RCSD1: variants seen among roughly 807,000 people sequenced by gnomAD.
RCSD1 encodes capZ-interacting protein.
In RCSD1, 26 loss-of-function variants were observed where a neutral mutation model predicts 42.5. That is an observed-to-expected ratio of 0.61 (90% CI 0.45 to 0.85). RCSD1 has a LOEUF of 0.85. Among genes scored for constraint, RCSD1 ranks in the 40% least tolerant of loss-of-function variants. RCSD1 has a pLI of 0.00. For missense variants in RCSD1, 571 were observed against 528.3 expected (o/e 1.08, Z -0.79); for synonymous variants, 220 against 212.2 (o/e 1.04, Z -0.32).
At chr1:167,647,716 G>T (rs530676040) in intron 1 of RCSD1, among the ~76,000 whole-genome samples, 26 of 152,174 alleles carry the variant, frequency 1.7e-4, no homozygotes, top group Non-Finnish European at 2.9e-4. Context: ...TCCAGCCTGG[G>T]TGACAGAGTA....
intron 1 of RCSD1, 79 bp downstream of exon 1, chr1:167,630,508 G>GCC: frequency 7.2e-7 from 1 of 1,393,848 alleles, no homozygotes; most frequent in East Asian, 2.9e-5. Context: ...GGCTGCCCCT[G>GCC]CCCTGAGCAT....
chr1:167,656,258 A>T (rs10918734), intron 1 of RCSD1, among the ~76,000 whole-genome samples: 13,856 of 152,210 alleles, frequency 0.091, 973 homozygotes, highest in African/African-American at 0.19. Flanking sequence ...GAGTTCTATG[A>T]CATAATCCTC....
At chr1:167,691,546 G>A (rs139280830) in intron 4 of RCSD1, among the ~76,000 whole-genome samples, 2 of 152,326 alleles carry the variant, frequency 1.3e-5, no homozygotes, top group African/African-American at 4.8e-5. Flanking sequence ...GAAGGAACAA[G>A]GTGCTTGTGC....
At chr1:167,665,679 T>C (rs1311033509) in intron 1 of RCSD1, among the ~76,000 whole-genome samples, 3 of 152,242 alleles carry the variant, frequency 2.0e-5, no homozygotes, top group Non-Finnish European at 4.4e-5. Flanking sequence ...TAGTGGTATC[T>C]CTTTACAGTC....
chr1:167,666,959 T>A (rs1438573727), intron 1 of RCSD1, among the ~76,000 whole-genome samples: 1 of 152,246 alleles, frequency 6.6e-6, no homozygotes, highest in African/African-American at 2.4e-5. Context: ...ACCAAAAGAT[T>A]GGAGACCCCT....
intron 6 of RCSD1, among the ~76,000 whole-genome samples, chr1:167,703,682 T>C (rs897853647): frequency 2.0e-5 from 3 of 152,228 alleles, no homozygotes; most frequent in Non-Finnish European, 4.4e-5. Flanking sequence ...TGCTCCTCCA[T>C]GGGCTGGGCT....
At chr1:167,655,267 G>A (rs1374054169) in intron 1 of RCSD1, among the ~76,000 whole-genome samples, 1 of 152,178 alleles carries the variant, frequency 6.6e-6, no homozygotes, top group Admixed American at 6.6e-5. Context: ...CTCTGCCTGG[G>A]GAGGGTTGGC....
intron 1 of RCSD1, among the ~76,000 whole-genome samples, chr1:167,646,446 T>TAA (rs10530984): frequency 7.3e-6 from 1 of 136,786 alleles, no homozygotes; most frequent in Non-Finnish European, 1.5e-5. Context: ...AACACTTTTC[T>TAA]AAAAAAAAAA....
chr1:167,690,022 G>T (rs771022832), intron 3 of RCSD1, 27 bp from the exon 4 acceptor site: 19 of 1,611,742 alleles, frequency 1.2e-5, no homozygotes, highest in Middle Eastern at 1.6e-4. Context: ...TTACTTATCT[G>T]GTTGTTTTGG....
In RCSD1 at chr1:167,679,011, G is replaced by A. The variant is rs555477422; in HGVS notation, c.7-4889G>A. Among the ~76,000 whole-genome samples, 9 of 152,258 alleles carry A rather than the reference G, an allele frequency of 5.9e-5. No homozygotes were observed. In the South Asian group the frequency reaches 1.7e-3, roughly 28 times the overall value. Reference sequence around the variant, plus strand: ...GTTTAACAAAGCGTCTTATGGTTTCGCTGTGTACCTGTTTATTGCTGAAGT... The same window carrying A: ...GTTTAACAAAGCGTCTTATGGTTTCACTGTGTACCTGTTTATTGCTGAAGT... On this transcript the variant is annotated intron_variant, in intron 1 of 6. Transcript: ENST00000367854.
At chr1:167,683,683 G>A (rs576317843) in intron 1 of RCSD1, among the ~76,000 whole-genome samples, 1 of 152,122 alleles carries the variant, frequency 6.6e-6, no homozygotes, top group Non-Finnish European at 1.5e-5. Flanking sequence ...TTTGTCTCCA[G>A]GTCCCCAAAG....
chr1:167,668,760 G>A (rs1658723165), intron 1 of RCSD1, among the ~76,000 whole-genome samples: 1 of 150,424 alleles, frequency 6.6e-6, no homozygotes, highest in Non-Finnish European at 1.5e-5. Flanking sequence ...AAAAGAGGGA[G>A]CTGCCAATTC....
rs192454443 is a variant in RCSD1, at chr1:167,682,344, T to G, written c.7-1556T>G. ...ACCACCACACCCGGCTAATTTTGTATTTTTAGTAGAGATGGGGTTTCACCA... is the reference window on the plus strand; with the variant it reads ...ACCACCACACCCGGCTAATTTTGTAGTTTTAGTAGAGATGGGGTTTCACCA... On this transcript the variant is annotated intron_variant, in intron 1 of 6. Coordinates refer to ENST00000367854, the MANE Select transcript of RCSD1 (RefSeq NM_052862.4). Among the ~76,000 whole-genome samples the G allele has an allele frequency of 2.6e-5, 4 of 152,230 alleles. No individual in the cohort carries two copies. In the East Asian group the frequency reaches 7.7e-4, roughly 29 times the overall value.
chr1:167,698,155 A>G (rs1180065724), intron 6 of RCSD1, among the ~76,000 whole-genome samples: 1 of 152,174 alleles, frequency 6.6e-6, no homozygotes, highest in Non-Finnish European at 1.5e-5. Flanking sequence ...GCAAGCATCT[A>G]TGGAAGCCTG....
Position 167,697,552 on chromosome 1 carries a change from G to C in RCSD1, c.928G>C (p.Glu310Gln), listed in dbSNP as rs770819540. The C allele has an allele frequency of 2.8e-5, 45 of 1,606,968 alleles. No individual in the cohort carries two copies. The highest frequency in any genetic ancestry group is 3.7e-5 in the Non-Finnish European group (44 of 1,176,796). The change falls in exon 6 of 7, where the codon GAG becomes CAG. Residue 310 changes from glutamate (E) to glutamine (Q), a missense_variant. Physicochemically the swap from Glu to Gln is conservative, Grantham distance 29 (BLOSUM62 2). Coordinates refer to ENST00000367854, the MANE Select transcript of RCSD1 (RefSeq NM_052862.4). The part of the protein sequence containing the change: ...REEKPAGEEA[E>Q]MEKATEVKGE... Reference sequence around the variant, plus strand: ...GGAAAAGCCAGCTGGAGAGGAAGCAGAGATGGAAAAGGCTACAGAGGTGAA... The same window carrying C: ...GGAAAAGCCAGCTGGAGAGGAAGCACAGATGGAAAAGGCTACAGAGGTGAA...
intron 6 of RCSD1, among the ~76,000 whole-genome samples, chr1:167,698,948 C>T (rs1010769679): frequency 6.6e-6 from 1 of 152,030 alleles, no homozygotes; most frequent in South Asian, 2.1e-4. Context: ...CACAGGCGCC[C>T]GCCACCACGC....
chr1:167,698,429 G>A (rs1456192185), intron 6 of RCSD1, among the ~76,000 whole-genome samples: 2 of 152,238 alleles, frequency 1.3e-5, no homozygotes, highest in African/African-American at 2.4e-5. Context: ...GGCCCTCAGA[G>A]AAAGAAGCTG....
At chr1:167,637,297 T>G (rs1280621941) in intron 1 of RCSD1, among the ~76,000 whole-genome samples, 4 of 152,122 alleles carry the variant, frequency 2.6e-5, no homozygotes, top group Non-Finnish European at 2.9e-5. Context: ...ATTTGAGGAC[T>G]AGATGGGGAG....
At chr1:167,643,762 G>T (rs1207680700) in intron 1 of RCSD1, among the ~76,000 whole-genome samples, 5 of 152,244 alleles carry the variant, frequency 3.3e-5, no homozygotes, top group Admixed American at 3.3e-4. Flanking sequence ...TTGTTGTGAG[G>T]TGTAAATGAG....
Sources: allele counts gnomAD v4.1 joint callset (sites outside exome capture counted in the v4.1 genomes callset), GRCh38; gene constraint gnomAD v4.1.1; transcripts MANE v1.5; gene names NCBI Gene and HGNC (gene_info 2026-07-23, HGNC 2026-07-21).